The following TMEM131L variants were observed in gnomAD, a reference collection of about 807,000 sequenced individuals.
TMEM131L encodes transmembrane 131 like, also known as transmembrane protein 131-like.
Under a neutral mutation model 192.2 loss-of-function variants are expected in TMEM131L, and 54 were observed. The ratio of observed to expected loss-of-function variants is 0.28; its 90% CI spans 0.23 to 0.35. The LOEUF (loss-of-function observed/expected upper bound fraction) is 0.35. Among genes scored for constraint, TMEM131L ranks in the 10% least tolerant of loss-of-function variants. TMEM131L has a pLI of 1.00. For missense variants in TMEM131L, 1,888 were observed against 1,972.9 expected, an observed-to-expected ratio of 0.96 and a Z score of 0.82; for synonymous variants, 701 against 704.9, an observed-to-expected ratio of 0.99 and a Z score of 0.09.
chr4:153,584,197 AT>A lies in TMEM131L; in HGVS notation c.1060+534del, dbSNP rs147966909. The stretch of plus-strand genomic sequence containing the variant: ...GATGCGAGCAGTGTGTGTACATTTA[AT>A]TTTTTTTTAGAGGATATCTGTGTAC... On this transcript the variant is annotated intron_variant, in intron 11 of 34. Transcript: ENST00000409959. 9.8e-3 allele frequency among the ~76,000 whole-genome samples: 1,485 copies of A among 151,706 alleles called. 22 individuals are homozygous for A. The highest frequency in any genetic ancestry group is 0.034 in the African/African-American group (1,398 of 41,368).
At chr4:153,563,453 ACC>A (rs1170561547) in intron 7 of TMEM131L, among the ~76,000 whole-genome samples, 1 of 117,032 alleles carries the variant, frequency 8.5e-6, no homozygotes, top group African/African-American at 3.2e-5. Context: ...ACGGATATGT[ACC>A]CTTTTTTTTT....
At chr4:153,503,566 T>TA (rs1040775591) in intron 3 of TMEM131L, among the ~76,000 whole-genome samples, 8 of 152,010 alleles carry the variant, frequency 5.3e-5, no homozygotes, top group South Asian at 4.2e-4. Flanking sequence ...TACTAATAGT[T>TA]AAAAAAAATT....
At chr4:153,518,195 C>T (rs1034441478) in intron 3 of TMEM131L, among the ~76,000 whole-genome samples, 27 of 152,174 alleles carry the variant, frequency 1.8e-4, no homozygotes, top group African/African-American at 6.5e-4. Flanking sequence ...CTTGCGTTCT[C>T]ACACAGTCCT....
intron 7 of TMEM131L, among the ~76,000 whole-genome samples, chr4:153,564,604 G>C (rs74887020): frequency 0.05 from 7,631 of 152,250 alleles, 292 homozygotes; most frequent in Middle Eastern, 0.078. Context: ...CATGCAGAGA[G>C]AATTCCTAGT....
intron 3 of TMEM131L, among the ~76,000 whole-genome samples, chr4:153,488,421 C>CG (rs1467433735): frequency 2.0e-5 from 3 of 152,092 alleles, no homozygotes; most frequent in African/African-American, 7.2e-5. Context: ...GAGTGGGGAC[C>CG]GGGCCCTGGT....
intron 3 of TMEM131L, among the ~76,000 whole-genome samples, chr4:153,517,765 T>C (rs766009077): frequency 1.3e-5 from 2 of 152,252 alleles, no homozygotes; most frequent in Non-Finnish European, 2.9e-5. Flanking sequence ...TATGCAGTCA[T>C]GTGTTCCCAA....
chr4:153,576,559 A>C (rs1043593409), intron 7 of TMEM131L, among the ~76,000 whole-genome samples: 1 of 152,208 alleles, frequency 6.6e-6, no homozygotes, highest in Non-Finnish European at 1.5e-5. Flanking sequence ...ATTGTGTCAA[A>C]AACTGTTAAT....
chr4:153,600,017 G>A (rs1051165583), intron 21 of TMEM131L, among the ~76,000 whole-genome samples: 36 of 152,116 alleles, frequency 2.4e-4, no homozygotes, highest in Admixed American at 7.2e-4. Context: ...CAGCCTGGAC[G>A]ACAAGAGTGA....
intron 29 of TMEM131L, among the ~76,000 whole-genome samples, chr4:153,625,918 AAAC>A (rs1214572701): frequency 2.0e-5 from 3 of 152,188 alleles, no homozygotes; most frequent in Non-Finnish European, 4.4e-5. Flanking sequence ...AAAAAAAACA[AAAC>A]AACAACAACA....
intron 3 of TMEM131L, among the ~76,000 whole-genome samples, chr4:153,480,964 G>T (rs1266995823): frequency 6.6e-6 from 1 of 152,080 alleles, no homozygotes; most frequent in Admixed American, 6.6e-5. Flanking sequence ...TTCTCCTCAC[G>T]TCCATTTGTC....
intron 29 of TMEM131L, among the ~76,000 whole-genome samples, chr4:153,625,407 A>G (rs1382825880): frequency 6.6e-6 from 1 of 152,116 alleles, no homozygotes; most frequent in Non-Finnish European, 1.5e-5. Context: ...AAAAGGGGGT[A>G]CATTAGTTAA....
chr4:153,513,903 C>T (rs1734530519), intron 3 of TMEM131L, among the ~76,000 whole-genome samples: 1 of 152,142 alleles, frequency 6.6e-6, no homozygotes, highest in African/African-American at 2.4e-5. Flanking sequence ...CATGCTGAGA[C>T]TTAGGTCATG....
intron 17 of TMEM131L, among the ~76,000 whole-genome samples, chr4:153,591,561 A>C (rs1371159): frequency 0.022 from 3,358 of 152,228 alleles, 126 homozygotes; most frequent in African/African-American, 0.076. Flanking sequence ...CTCCCTGTCT[A>C]CTGTCCATCC....
At chr4:153,509,828 A>G (rs1734232095) in intron 3 of TMEM131L, among the ~76,000 whole-genome samples, 1 of 152,172 alleles carries the variant, frequency 6.6e-6, no homozygotes, top group Admixed American at 6.5e-5. Context: ...TACTGATTAT[A>G]TTGGCCCCAC....
chr4:153,619,236 A>G (rs1370330205), intron 26 of TMEM131L, among the ~76,000 whole-genome samples: 4 of 152,154 alleles, frequency 2.6e-5, no homozygotes, highest in Admixed American at 1.3e-4. Context: ...GGAGGGATGG[A>G]TAGGCTCAAG....
chr4:153,591,375 T>C (rs1354712169), intron 17 of TMEM131L, among the ~76,000 whole-genome samples, 181 bp downstream of exon 17: 1 of 152,184 alleles, frequency 6.6e-6, no homozygotes, highest in Non-Finnish European at 1.5e-5. Context: ...AAATAGACTT[T>C]GAATTGAGTG....
intron 26 of TMEM131L, among the ~76,000 whole-genome samples, chr4:153,614,246 C>T (rs1200170856): frequency 2.0e-5 from 3 of 152,114 alleles, no homozygotes; most frequent in Non-Finnish European, 4.4e-5. Flanking sequence ...CCTCCTAGGT[C>T]GGAAGGCCAT....
At chr4:153,478,227 A>T (rs1439809142) in intron 3 of TMEM131L, among the ~76,000 whole-genome samples, 1 of 152,088 alleles carries the variant, frequency 6.6e-6, no homozygotes, top group East Asian at 1.9e-4. Flanking sequence ...CTTTGTGTCC[A>T]TTTTTTGAAA....
chr4:153,488,906 C>A (rs941827728), intron 3 of TMEM131L, among the ~76,000 whole-genome samples: 1 of 152,114 alleles, frequency 6.6e-6, no homozygotes, highest in South Asian at 2.1e-4. Flanking sequence ...AGTCTCTTGT[C>A]GCACAGCGCT....
Sources: allele counts gnomAD v4.1 joint callset (sites outside exome capture counted in the v4.1 genomes callset), GRCh38; gene constraint gnomAD v4.1.1; transcripts MANE v1.5; gene names NCBI Gene and HGNC (gene_info 2026-07-23, HGNC 2026-07-21).